SLC44A3: variants seen among roughly 807,000 people sequenced by gnomAD.
SLC44A3 encodes the protein solute carrier family 44 member 3.
SLC44A3 carries 74 observed loss-of-function variants against 75.4 expected under a neutral mutation model. The observed-to-expected ratio is 0.98, with a 90% CI of 0.81 to 1.19. The LOEUF (loss-of-function observed/expected upper bound fraction) is 1.19. Among genes scored for constraint, SLC44A3 ranks in the 50% most tolerant of loss-of-function variants. SLC44A3 has a pLI of 0.00. For synonymous variants in SLC44A3, 310 were observed against 296.9 expected, an observed-to-expected ratio of 1.04 and a Z score of -0.45; for missense variants, 700 against 778.6, an observed-to-expected ratio of 0.90 and a Z score of 1.20.
intron 12 of SLC44A3, among the ~76,000 whole-genome samples, chr1:94,869,601 A>G (rs530549183): frequency 6.6e-6 from 1 of 152,318 alleles, no homozygotes; most frequent in Non-Finnish European, 1.5e-5. Context: ...TGATGTGAAT[A>G]TTAATGGAGA....
intron 10 of SLC44A3, among the ~76,000 whole-genome samples, chr1:94,862,105 G>A (rs910695160): frequency 3.3e-5 from 5 of 152,162 alleles, no homozygotes; most frequent in East Asian, 1.9e-4. Flanking sequence ...TAATAAAGAC[G>A]ATTTTCATTT....
chr1:94,833,241 A>T (rs1445021969), intron 5 of SLC44A3, among the ~76,000 whole-genome samples: 1 of 152,166 alleles, frequency 6.6e-6, no homozygotes, highest in African/African-American at 2.4e-5. Context: ...TGATACTAGC[A>T]CCAGCATTCT....
intron 12 of SLC44A3, among the ~76,000 whole-genome samples, chr1:94,872,164 C>T (rs1043405947): frequency 6.6e-5 from 10 of 152,086 alleles, no homozygotes; most frequent in African/African-American, 1.7e-4. Context: ...TGCAATGGCA[C>T]GATCTCGGCT....
intron 10 of SLC44A3, among the ~76,000 whole-genome samples, chr1:94,863,883 A>G (rs1666869987): frequency 6.6e-6 from 1 of 152,224 alleles, no homozygotes. Flanking sequence ...ATAGTGACTT[A>G]TTAGCAACCA....
At chr1:94,885,220 C>G (rs546473831) in intron 12 of SLC44A3, among the ~76,000 whole-genome samples, 711 of 8,534 alleles carry the variant, frequency 0.083, 11 homozygotes, top group African/African-American at 0.15. Context: ...GTGAGACTCC[C>G]TCTCAAAAAA....
intron 12 of SLC44A3, among the ~76,000 whole-genome samples, chr1:94,873,862 G>T (rs562251872): frequency 9.8e-5 from 15 of 152,322 alleles, no homozygotes; most frequent in African/African-American, 3.4e-4. Context: ...ATGATGTAAA[G>T]TTTCTTAAGA....
chr1:94,881,693 G>C (rs1171182165), intron 12 of SLC44A3, among the ~76,000 whole-genome samples: 1 of 147,048 alleles, frequency 6.8e-6, no homozygotes, highest in Non-Finnish European at 1.5e-5. Context: ...AACAGAGCAA[G>C]ACTCCGTCTC....
chr1:94,891,155 A>C lies in SLC44A3; in HGVS notation c.1508A>C (p.Asn503Thr). 1.2e-6 allele frequency: 2 copies of C among 1,611,716 alleles called. No individual in the cohort carries two copies. The highest frequency in any genetic ancestry group is 1.7e-6 in the Non-Finnish European group (2 of 1,179,204). The change falls in exon 13 of 15, where the codon AAT becomes ACT. Residue 503 changes from asparagine (N) to threonine (T), a missense_variant. Physicochemically the swap from Asn to Thr is moderately conservative, Grantham distance 65. Transcript: ENST00000271227. The stretch of plus-strand genomic sequence containing the variant: ...AATGCATATACTACAACTGCTATTA[A>C]TGGGACAGATTTCTGTACATCAGCA... ...NQNAYTTTAI[N>T]GTDFCTSAKD... is the part of the protein sequence containing the mutation.
chr1:94,867,093 A>G (rs556282261), intron 11 of SLC44A3, among the ~76,000 whole-genome samples: 5 of 152,030 alleles, frequency 3.3e-5, no homozygotes, highest in Non-Finnish European at 7.4e-5. Context: ...GCTGTTCAGT[A>G]TGGACTAACC....
At chr1:94,827,443 C>T (rs1436365638) in intron 3 of SLC44A3, 64 bp from the exon 4 acceptor site, 2 of 1,589,196 alleles carry the variant, frequency 1.3e-6, no homozygotes, top group Non-Finnish European at 1.7e-6. Flanking sequence ...TTTTTTAAGG[C>T]CCACAATTAA....
At chr1:94,833,527 A>G (rs560447021) in intron 5 of SLC44A3, among the ~76,000 whole-genome samples, 3 of 152,286 alleles carry the variant, frequency 2.0e-5, no homozygotes, top group African/African-American at 7.2e-5. Context: ...CATGCAGCCC[A>G]CAACTAGACC....
At chr1:94,858,836 C>T (rs775187005) in intron 10 of SLC44A3, among the ~76,000 whole-genome samples, 64 of 152,110 alleles carry the variant, frequency 4.2e-4, no homozygotes, top group East Asian at 5.8e-4. Context: ...GGACTACAGG[C>T]GCCCACCACC....
chr1:94,890,696 C>G (rs1175994645), intron 12 of SLC44A3, among the ~76,000 whole-genome samples: 1 of 152,160 alleles, frequency 6.6e-6, no homozygotes, highest in Non-Finnish European at 1.5e-5. Context: ...TAAAAAATAA[C>G]TTATCGCCAG....
intron 10 of SLC44A3, among the ~76,000 whole-genome samples, chr1:94,857,757 A>G (rs1378048646): frequency 1.3e-5 from 2 of 151,328 alleles, no homozygotes; most frequent in Non-Finnish European, 2.9e-5. Flanking sequence ...AAAAGAGATC[A>G]TATTGCTTAG....
chr1:94,852,419 C>G (rs1267271893), intron 9 of SLC44A3, among the ~76,000 whole-genome samples: 1 of 152,092 alleles, frequency 6.6e-6, no homozygotes, highest in South Asian at 2.1e-4. Context: ...GGGGAAACAT[C>G]CCAGGCACAG....
chr1:94,867,382 TG>T lies in SLC44A3; in HGVS notation c.1449del (p.Trp483CysfsTer53). 1.2e-6 allele frequency: 2 copies of T among 1,606,826 alleles called. No homozygotes were observed. Among genetic ancestry groups the T allele is most frequent in the Non-Finnish European group, 1.7e-6 (2 of 1,175,698 alleles). ...GTTCCGATGCTGCTACTGCTGTTTC[TG>T]GTGTCTTGACAAATACCTGCTCCAT... ...YLFRCCYCCF[W>X]CLDKYLLHLN... On this transcript the variant is annotated frameshift_variant, in exon 12 of 15. Coordinates refer to ENST00000271227, the MANE Select transcript of SLC44A3 (RefSeq NM_001114106.3). LOFTEE classifies it high-confidence loss of function.
At chr1:94,824,389 T>C in intron 2 of SLC44A3, 104 bp from the exon 3 acceptor site, 1 of 1,378,870 alleles carries the variant, frequency 7.3e-7, no homozygotes, top group Non-Finnish European at 9.6e-7. Context: ...GCTGGAGAGC[T>C]TCACGTTCCA....
intron 7 of SLC44A3, among the ~76,000 whole-genome samples, chr1:94,840,248 T>TTTTTCTTC (rs1286618475): frequency 6.6e-6 from 1 of 151,754 alleles, no homozygotes; most frequent in East Asian, 1.9e-4. Context: ...ACCAATCTTT[T>TTTTTCTTC]TTTTCTTCTT....
At chr1:94,854,727 G>A (rs1339628162) in intron 9 of SLC44A3, among the ~76,000 whole-genome samples, 2 of 68,366 alleles carry the variant, frequency 2.9e-5, no homozygotes, top group Non-Finnish European at 6.9e-5. Context: ...AGCCCCCCGC[G>A]CCCCCCGGTG....
Sources: allele counts gnomAD v4.1 joint callset (sites outside exome capture counted in the v4.1 genomes callset), GRCh38; gene constraint gnomAD v4.1.1; transcripts MANE v1.5; gene names NCBI Gene and HGNC (gene_info 2026-07-23, HGNC 2026-07-21).